Variants in MID1 observed in about 807,000 individuals in gnomAD.
MID1 encodes the protein E3 ubiquitin-protein ligase Midline-1.
A neutral mutation model predicts 40.4 loss-of-function variants in MID1; 7 were observed. The observed-to-expected ratio is 0.17, with a 90% confidence interval of 0.10 to 0.33. The LOEUF (loss-of-function observed/expected upper bound fraction) is 0.33, where lower values mean the gene tolerates loss of function less well. Among genes scored for constraint, MID1 ranks in the 10% least tolerant of loss-of-function variants. The pLI is 1.00. For synonymous variants in MID1, 229 were observed against 221.2 expected (o/e 1.04, Z -0.31); for missense variants, 367 against 558.5 (o/e 0.66, Z 3.46).
intron 2 of MID1, among the ~76,000 whole-genome samples, chrX:10,556,440 A>C (rs1219038871): frequency 8.9e-6 from 1 of 112,077 alleles, no homozygotes; most frequent in Non-Finnish European, 1.9e-5. Context: ...AGCTTGGTTT[A>C]GAAAGGACAA....
chrX:10,620,660 G>A (rs1230168440), upstream of MID1: 1 of 112,106 alleles, frequency 8.9e-6, no homozygotes, highest in Non-Finnish European at 1.9e-5. Context: ...GGTCCTGGGA[G>A]CCAGAAAGGC....
intron 7 of MID1, 105 bp downstream of exon 7, chrX:10,469,592 T>G: frequency 1.7e-6 from 2 of 1,210,360 alleles, no homozygotes; most frequent in East Asian, 5.9e-5. Context: ...ATAAATATTG[T>G]GTGTTCTTTC....
At chrX:10,637,036 T>C (rs1329006013) in intron 1 of MID1, among the ~76,000 whole-genome samples, 4 of 106,416 alleles carry the variant, frequency 3.8e-5, no homozygotes, top group Non-Finnish European at 5.8e-5. Context: ...ATGTTCCCCA[T>C]TGAACCATCT....
At chrX:10,689,303 C>G (rs767578913) in intron 1 of MID1, among the ~76,000 whole-genome samples, 2 of 111,224 alleles carry the variant, frequency 1.8e-5, no homozygotes, top group African/African-American at 6.5e-5. Context: ...GAAGCAAGCA[C>G]CTTTATCACA....
chrX:10,583,413 G>A (rs961658092), intron 1 of MID1, among the ~76,000 whole-genome samples: 1 of 111,925 alleles, frequency 8.9e-6, no homozygotes, highest in Non-Finnish European at 1.9e-5. Flanking sequence ...CAAGCAAAGA[G>A]TATCTGAATT....
chrX:10,569,656 A>G (rs1200269353), intron 1 of MID1, among the ~76,000 whole-genome samples: 1 of 112,323 alleles, frequency 8.9e-6, no homozygotes, highest in Non-Finnish European at 1.9e-5. Context: ...TCTGAATAGA[A>G]GGATGAGCAT....
At chrX:10,802,531 A>G (rs2044016240) in intron 1 of MID1, among the ~76,000 whole-genome samples, 1 of 112,154 alleles carries the variant, frequency 8.9e-6, no homozygotes, top group African/African-American at 3.2e-5. Flanking sequence ...GATACTGGCA[A>G]GGCTGCAGAG....
intron 1 of MID1, among the ~76,000 whole-genome samples, chrX:10,662,329 C>T (rs1355369293): frequency 9.0e-6 from 1 of 110,555 alleles, no homozygotes; most frequent in Non-Finnish European, 1.9e-5. Flanking sequence ...AAGAAACAAA[C>T]AGATACACAC....
At chrX:10,588,413 G>C (rs1425731480) in intron 1 of MID1, among the ~76,000 whole-genome samples, 3 of 111,488 alleles carry the variant, frequency 2.7e-5, no homozygotes, top group Non-Finnish European at 5.6e-5. Flanking sequence ...TTGATAGGAA[G>C]GCCTCAGTGC....
At chrX:10,721,972 G>C (rs1335121827) in intron 1 of MID1, among the ~76,000 whole-genome samples, 1 of 111,266 alleles carries the variant, frequency 9.0e-6, no homozygotes, top group East Asian at 2.8e-4. Flanking sequence ...CTTTTTGGGA[G>C]ATTATGTGTA....
chrX:10,527,662 G>GT, intron 2 of MID1, among the ~76,000 whole-genome samples: 1 of 111,046 alleles, frequency 9.0e-6, no homozygotes, highest in East Asian at 2.8e-4. Flanking sequence ...GCTGGGGAGA[G>GT]TAAGAAGAAG....
chrX:10,692,047 C>A (rs1021083428), intron 1 of MID1, among the ~76,000 whole-genome samples: 1 of 111,608 alleles, frequency 9.0e-6, no homozygotes, highest in South Asian at 3.8e-4. Flanking sequence ...TGTCTGCCCT[C>A]GAACCCTGTT....
At chrX:10,553,235 G>A (rs1272329862) in intron 2 of MID1, among the ~76,000 whole-genome samples, 1 of 104,206 alleles carries the variant, frequency 9.6e-6, no homozygotes, top group South Asian at 4.3e-4. Flanking sequence ...GCTATGCAGC[G>A]AGACTCTATC....
intron 1 of MID1, among the ~76,000 whole-genome samples, chrX:10,780,987 C>T (rs980433303): frequency 7.2e-5 from 8 of 111,794 alleles, no homozygotes. Flanking sequence ...GCTGGCCTGC[C>T]ACTCACATCC....
intron 3 of MID1, among the ~76,000 whole-genome samples, chrX:10,508,143 C>T (rs1249948194): frequency 8.9e-6 from 1 of 112,275 alleles, no homozygotes; most frequent in Admixed American, 9.4e-5. Context: ...CAGAACTTGG[C>T]CTGCTAGAAA....
intron 3 of MID1, among the ~76,000 whole-genome samples, chrX:10,504,970 A>C (rs1011633807): frequency 8.9e-6 from 1 of 111,787 alleles, no homozygotes; most frequent in Non-Finnish European, 1.9e-5. Flanking sequence ...GACCTCTGGC[A>C]TAAAGGAAAA....
chrX:10,684,644 C>T (rs1264950921), intron 1 of MID1, among the ~76,000 whole-genome samples: 2 of 109,114 alleles, frequency 1.8e-5, no homozygotes, highest in African/African-American at 3.3e-5. Flanking sequence ...CTCTTGACCT[C>T]GTGATCTGCC....
intron 1 of MID1, among the ~76,000 whole-genome samples, chrX:10,692,500 C>T (rs2043137940): frequency 9.0e-6 from 1 of 110,620 alleles, no homozygotes; most frequent in Admixed American, 9.6e-5. Context: ...GCCTATAATC[C>T]CAGCTACTTG....
chrX:10,448,294 T>C lies in MID1; in HGVS notation c.*1074A>G, dbSNP rs1928125691. 9.0e-6 allele frequency: 1 copy of C among 111,288 alleles called. No homozygotes were observed. Among genetic ancestry groups the C allele is most frequent in the Admixed American group, 9.6e-5 (1 of 10,461 alleles). The allele number at this position is 111,288 out of a possible 1,213,427, so 9.2% of individuals were successfully genotyped here. A position where few individuals can be genotyped will look rare whatever the true frequency, so the allele number is the denominator to read the frequency against. On this transcript the variant is annotated 3_prime_UTR_variant, in exon 10 of 10. Coordinates refer to ENST00000317552, the MANE Select transcript of MID1 (RefSeq NM_000381.4). ...ACCAACTCATAAATATTAAGTGTTT[T>C]TCAGTGACTTATGTTTGGATGTGGT...
Sources: gnomAD v4.1 joint callset for allele counts (sites outside exome capture counted in the v4.1 genomes callset) on GRCh38, gnomAD v4.1.1 for gene constraint, MANE v1.5 for transcripts, NCBI Gene and HGNC (gene_info 2026-07-23, HGNC 2026-07-21) for gene names.